KCNS3: variants seen among roughly 807,000 people sequenced by gnomAD.
KCNS3 encodes delayed-rectifier potassium channel regulatory subunit KCNS3.
In KCNS3, 13 loss-of-function variants were observed where a neutral mutation model predicts 31.0. That is an observed-to-expected ratio of 0.42 (90% CI 0.27 to 0.67). The LOEUF (loss-of-function observed/expected upper bound fraction) is 0.67. Among genes scored for constraint, KCNS3 ranks in the 30% least tolerant of loss-of-function variants. The pLI is 0.25. For missense variants in KCNS3, 545 were observed against 622.4 expected, an observed-to-expected ratio of 0.88 and a Z score of 1.32; for synonymous variants, 238 against 241.5, an observed-to-expected ratio of 0.99 and a Z score of 0.13.
At chr2:17,903,919 C>T (rs11096493) in intron 1 of KCNS3, among the ~76,000 whole-genome samples, 1 of 151,914 alleles carries the variant, frequency 6.6e-6, no homozygotes, top group Non-Finnish European at 1.5e-5. Flanking sequence ...AATAAACATA[C>T]GCGTGCATGT....
chr2:17,904,793 G>A (rs904503728), intron 1 of KCNS3, among the ~76,000 whole-genome samples: 1 of 152,054 alleles, frequency 6.6e-6, no homozygotes, highest in African/African-American at 2.4e-5. Flanking sequence ...TATTTCTGAG[G>A]GCTCTGTTCT....
chr2:17,911,120 G>C (rs192380183), intron 1 of KCNS3, among the ~76,000 whole-genome samples: 1 of 152,136 alleles, frequency 6.6e-6, no homozygotes, highest in East Asian at 1.9e-4. Flanking sequence ...TCCTTATCTC[G>C]AGGGACTCTA....
At chr2:17,887,663 G>A (rs1464762239) in intron 1 of KCNS3, among the ~76,000 whole-genome samples, 1 of 152,086 alleles carries the variant, frequency 6.6e-6, no homozygotes, top group Non-Finnish European at 1.5e-5. Context: ...TTTGAATAAT[G>A]ACTTCTTTTC....
upstream of KCNS3, among the ~76,000 whole-genome samples, chr2:17,878,513 C>T (rs1022120270): frequency 1.3e-5 from 2 of 151,346 alleles, no homozygotes; most frequent in African/African-American, 4.8e-5. Flanking sequence ...GCGCCCTCGG[C>T]CCGGGGCGCC....
chr2:17,910,496 A>G lies in KCNS3; in HGVS notation c.-251-7184A>G, dbSNP rs116161540. Among the ~76,000 whole-genome samples, 261 of 152,320 alleles carry G rather than the reference A, an allele frequency of 1.7e-3. 1 individual carries two copies. The highest frequency in any genetic ancestry group is 6.0e-3 in the African/African-American group (251 of 41,564). On this transcript the variant is annotated intron_variant, in intron 1 of 2. Coordinates refer to ENST00000304101, the MANE Select transcript of KCNS3 (RefSeq NM_002252.5). The stretch of plus-strand genomic sequence containing the variant: ...GAACAGTTTAAATGGAATACAAAAG[A>G]GGAGAGGGATGAAGTAATGAAATGT...
intron 1 of KCNS3, among the ~76,000 whole-genome samples, chr2:17,891,217 G>C (rs1661848343): frequency 1.3e-5 from 2 of 152,098 alleles, no homozygotes; most frequent in Non-Finnish European, 2.9e-5. Flanking sequence ...TCTGATATAA[G>C]AATAGCTACA....
chr2:17,920,369 A>T (rs1217340975), intron 2 of KCNS3, among the ~76,000 whole-genome samples: 2 of 152,238 alleles, frequency 1.3e-5, no homozygotes, highest in African/African-American at 4.8e-5. Flanking sequence ...TGTATGAGTC[A>T]GCCTTGAAAA....
intron 1 of KCNS3, among the ~76,000 whole-genome samples, chr2:17,912,330 C>T (rs949872130): frequency 3.9e-5 from 6 of 152,218 alleles, no homozygotes; most frequent in Non-Finnish European, 8.8e-5. Context: ...TCCTCTTTAT[C>T]GGCCTGTGTT....
chr2:17,884,177 G>A (rs1674706883), intron 1 of KCNS3, among the ~76,000 whole-genome samples: 1 of 147,072 alleles, frequency 6.8e-6, no homozygotes, highest in Non-Finnish European at 1.5e-5. Context: ...AGTGGGTGCA[G>A]CACACCAACA....
intron 1 of KCNS3, among the ~76,000 whole-genome samples, chr2:17,902,709 G>A (rs1662212258): frequency 6.6e-6 from 1 of 152,212 alleles, no homozygotes. Context: ...AAGTCAAGCA[G>A]TGTTAATGTG....
At chr2:17,928,138 A>G (rs2125254333) in intron 2 of KCNS3, among the ~76,000 whole-genome samples, 1 of 152,296 alleles carries the variant, frequency 6.6e-6, no homozygotes, top group South Asian at 2.1e-4. Flanking sequence ...TAGGTTATCT[A>G]ATTTGTGGAC....
intron 1 of KCNS3, among the ~76,000 whole-genome samples, chr2:17,888,653 A>ATATC (rs1558447021): frequency 7.5e-6 from 1 of 134,212 alleles, no homozygotes; most frequent in East Asian, 2.2e-4. Context: ...ATATATATAT[A>ATATC]TATATATATA....
At chr2:17,917,296 C>T (rs1456833609) in intron 1 of KCNS3, among the ~76,000 whole-genome samples, 2 of 152,138 alleles carry the variant, frequency 1.3e-5, no homozygotes, top group Non-Finnish European at 2.9e-5. Flanking sequence ...GATTAGAATG[C>T]GTTCATTTAG....
intron 1 of KCNS3, chr2:17,879,541 T>C (rs1180951639): frequency 2.2e-5 from 1 of 45,208 alleles, no homozygotes; most frequent in Non-Finnish European, 3.5e-5. Flanking sequence ...GGAACTCCTC[T>C]TTTTTTTTTC....
chr2:17,932,559 T>A lies in KCNS3; in HGVS notation c.*75T>A. 1 of 1,453,794 alleles carries A rather than the reference T, an allele frequency of 6.9e-7. No homozygotes were observed. The highest frequency in any genetic ancestry group is 9.3e-7 in the Non-Finnish European group (1 of 1,078,432). The allele number at this position is 1,453,794 out of a possible 1,614,324, so 90.1% of individuals were successfully genotyped here. The stretch of plus-strand genomic sequence containing the variant: ...ACACAGCTTTATAAACCTCAGTGGG[T>A]TCGTTAAAATCATTTAATTCTCAGG... On this transcript the variant is annotated 3_prime_UTR_variant, in exon 3 of 3. Transcript: ENST00000304101.
intron 1 of KCNS3, among the ~76,000 whole-genome samples, chr2:17,908,924 G>A (rs1662403952): frequency 6.6e-6 from 1 of 152,224 alleles, no homozygotes; most frequent in Admixed American, 6.5e-5. Flanking sequence ...CACTTGAGGA[G>A]GCAGTCTGTC....
At chr2:17,885,988 G>T (rs1233684212) in intron 1 of KCNS3, among the ~76,000 whole-genome samples, 1 of 151,866 alleles carries the variant, frequency 6.6e-6, no homozygotes, top group Non-Finnish European at 1.5e-5. Flanking sequence ...GTATAAATAG[G>T]GCCATAGAGC....
At chr2:17,919,844 G>C (rs574277104) in intron 2 of KCNS3, among the ~76,000 whole-genome samples, 6 of 152,286 alleles carry the variant, frequency 3.9e-5, no homozygotes, top group African/African-American at 1.4e-4. Context: ...GCTCCATGTA[G>C]GATCCTCGCC....
rs1246466748 is a variant in KCNS3, at chr2:17,879,868, A to G, written c.-252+1062A>G. On this transcript the variant is annotated intron_variant, in intron 1 of 2. Transcript: ENST00000304101. ...ACCCAGGGGCCCTGGTTTGGTGCCA[A>G]GGCGTGAAGTGGGGGGAGGGGCGGT... 3.3e-5 allele frequency among the ~76,000 whole-genome samples: 5 copies of G among 152,166 alleles called. No individual in the cohort carries two copies. In the East Asian group the frequency reaches 9.6e-4, roughly 29 times the overall value.
Sources: allele counts gnomAD v4.1 joint callset (sites outside exome capture counted in the v4.1 genomes callset), GRCh38; gene constraint gnomAD v4.1.1; transcripts MANE v1.5; gene names NCBI Gene and HGNC (gene_info 2026-07-23, HGNC 2026-07-21).